Variants in RBFOX1 observed in about 807,000 individuals in gnomAD.
The protein encoded by RBFOX1 is RNA binding fox-1 homolog 1, also known as RNA binding protein fox-1 homolog 1.
RBFOX1 carries 8 observed loss-of-function variants against 57.7 expected under a neutral mutation model. The ratio of observed to expected loss-of-function variants is 0.14; its 90% CI spans 0.08 to 0.25. RBFOX1 has a LOEUF of 0.25. Ranked by LOEUF, RBFOX1 falls within the 10% of genes least tolerant of loss-of-function variation. The probability of loss-of-function intolerance (pLI) is 1.00; values close to 1 mark genes in which losing one functional copy is unlikely to be tolerated. For synonymous variants in RBFOX1, 326 were observed against 222.4 expected (o/e 1.47, Z -4.15); for missense variants, 611 against 548.5 (o/e 1.11, Z -1.14).
At chr16:5,937,363 T>G (rs2059187612) in intron 4 of RBFOX1, among the ~76,000 whole-genome samples, 1 of 152,174 alleles carries the variant, frequency 6.6e-6, no homozygotes, top group Admixed American at 6.5e-5. Context: ...CTACCTGCCA[T>G]TAAGCAAATG....
intron 1 of RBFOX1, among the ~76,000 whole-genome samples, chr16:6,023,793 C>T (rs553003426): frequency 2.6e-4 from 39 of 152,266 alleles, no homozygotes; most frequent in East Asian, 1.9e-3. Flanking sequence ...AGTGTCGTGC[C>T]GGAGACCTCA....
At chr16:6,193,355 A>C in intron 1 of RBFOX1, among the ~76,000 whole-genome samples, 1 of 83,574 alleles carries the variant, frequency 1.2e-5, no homozygotes, top group South Asian at 4.0e-4. Context: ...ATATATATAC[A>C]TTATATATAT....
At chr16:5,370,462 C>CTT (rs34715441) in intron 1 of RBFOX1, among the ~76,000 whole-genome samples, 20,026 of 141,046 alleles carry the variant, frequency 0.14, 2,438 homozygotes, top group African/African-American at 0.33. Flanking sequence ...GCCTCCTCCT[C>CTT]TTTTTTTTTT....
intron 4 of RBFOX1, among the ~76,000 whole-genome samples, chr16:7,424,462 G>A (rs576000602): frequency 2.0e-4 from 30 of 152,206 alleles, no homozygotes; most frequent in Admixed American, 1.5e-3. Flanking sequence ...GTTGCGCCAC[G>A]TTGGCCAGGC....
chr16:7,233,109 G>T (rs1008208195), intron 4 of RBFOX1, among the ~76,000 whole-genome samples: 1 of 151,984 alleles, frequency 6.6e-6, no homozygotes, highest in Non-Finnish European at 1.5e-5. Context: ...TACATAGGAT[G>T]CTTTCCCTTC....
At position 6,145,092 on chromosome 16, in the gene RBFOX1, C is replaced by G. The variant is rs138410557; in HGVS notation, c.-127+125100C>G. Among the ~76,000 whole-genome samples, 175 of 151,770 alleles carry G rather than the reference C, an allele frequency of 1.2e-3. 1 individual carries two copies. The highest frequency in any genetic ancestry group is 3.8e-3 in the African/African-American group (158 of 41,342). ...AGTGCAGGTTTGTTACACAGGTAAA[C>G]TTGTGTCATGGGGGTTTGTTGTAAA... On this transcript the variant is annotated intron_variant, in intron 1 of 15. Transcript: ENST00000550418.
At chr16:7,312,603 C>G (rs947558367) in intron 4 of RBFOX1, among the ~76,000 whole-genome samples, 2 of 152,122 alleles carry the variant, frequency 1.3e-5, no homozygotes, top group South Asian at 2.1e-4. Flanking sequence ...CTTTCTTCCT[C>G]CAGTGAGCTG....
intron 1 of RBFOX1, among the ~76,000 whole-genome samples, chr16:6,274,844 C>A (rs932988405): frequency 2.0e-5 from 3 of 152,186 alleles, no homozygotes; most frequent in Non-Finnish European, 2.9e-5. Flanking sequence ...GACAGTTGAA[C>A]TTTCCTACAT....
At chr16:6,054,775 CT>C (rs940027409) in intron 1 of RBFOX1, among the ~76,000 whole-genome samples, 4 of 151,950 alleles carry the variant, frequency 2.6e-5, no homozygotes, top group Admixed American at 6.6e-5. Flanking sequence ...ATATTGGCTA[CT>C]TTTTTTATTA....
At chr16:6,642,870 C>A (rs1208897833) in intron 2 of RBFOX1, among the ~76,000 whole-genome samples, 4 of 152,170 alleles carry the variant, frequency 2.6e-5, no homozygotes, top group Non-Finnish European at 4.4e-5. Flanking sequence ...ACCTACCCAA[C>A]TAAGGTAAAC....
At chr16:5,883,977 G>T (rs1023070189) in intron 4 of RBFOX1, among the ~76,000 whole-genome samples, 1 of 152,190 alleles carries the variant, frequency 6.6e-6, no homozygotes, top group African/African-American at 2.4e-5. Flanking sequence ...GCACCTGAAT[G>T]CTGAGATCCC....
At chr16:7,696,078 T>A (rs1357336104) in intron 14 of RBFOX1, among the ~76,000 whole-genome samples, 1 of 152,196 alleles carries the variant, frequency 6.6e-6, no homozygotes, top group East Asian at 1.9e-4. Context: ...GTGTCGAGAG[T>A]GCCAACACAT....
intron 3 of RBFOX1, among the ~76,000 whole-genome samples, chr16:6,677,827 A>G (rs371848466): frequency 6.6e-6 from 1 of 152,166 alleles, no homozygotes; most frequent in African/African-American, 2.4e-5. Flanking sequence ...TTATGTATCT[A>G]CCAGTGACTT....
chr16:5,580,400 T>C (rs997401447), intron 2 of RBFOX1, among the ~76,000 whole-genome samples: 9 of 152,188 alleles, frequency 5.9e-5, no homozygotes, highest in Non-Finnish European at 8.8e-5. Flanking sequence ...GAGGGGTAAG[T>C]GCCCACTGAG....
At chr16:7,161,048 T>C (rs1024738831) in intron 4 of RBFOX1, among the ~76,000 whole-genome samples, 39 of 151,938 alleles carry the variant, frequency 2.6e-4, no homozygotes, top group African/African-American at 8.0e-4. Flanking sequence ...TTGGTTCAGG[T>C]TGTTCCCAGC....
intron 3 of RBFOX1, among the ~76,000 whole-genome samples, chr16:6,775,468 A>C (rs1414609173): frequency 2.0e-5 from 3 of 152,032 alleles, no homozygotes; most frequent in Non-Finnish European, 4.4e-5. Context: ...CAAAAAGAAA[A>C]AAAAATAGGT....
intron 4 of RBFOX1, among the ~76,000 whole-genome samples, chr16:7,322,369 C>T (rs1270895283): frequency 3.3e-5 from 5 of 152,240 alleles, no homozygotes; most frequent in Admixed American, 6.5e-5. Flanking sequence ...AGGTTCATAG[C>T]GTCAAAGTCA....
At chr16:5,519,198 G>T (rs1024469172) in intron 2 of RBFOX1, among the ~76,000 whole-genome samples, 2 of 152,174 alleles carry the variant, frequency 1.3e-5, no homozygotes, top group African/African-American at 4.8e-5. Flanking sequence ...ACTTTGTGGT[G>T]GCAACCCTAG....
At chr16:7,602,422 A>G (rs1249371858) in intron 9 of RBFOX1, among the ~76,000 whole-genome samples, 3 of 152,196 alleles carry the variant, frequency 2.0e-5, no homozygotes, top group Non-Finnish European at 2.9e-5. Flanking sequence ...GGGCCTTATC[A>G]GCCATTCTCC....
Sources: gnomAD v4.1 joint callset for allele counts (sites outside exome capture counted in the v4.1 genomes callset) on GRCh38, gnomAD v4.1.1 for gene constraint, MANE v1.5 for transcripts, NCBI Gene and HGNC (gene_info 2026-07-23, HGNC 2026-07-21) for gene names.